The following DTD1 variants were observed in gnomAD, a reference collection of about 807,000 sequenced individuals.
The protein encoded by DTD1 is D-tyrosyl-tRNA deacylase 1 homolog.
DTD1 carries 13 observed loss-of-function variants against 25.6 expected under a neutral mutation model. That is an observed-to-expected ratio of 0.51 (90% confidence interval 0.33 to 0.81). DTD1 has a LOEUF of 0.81. Among genes scored for constraint, DTD1 ranks in the 30% least tolerant of loss-of-function variants. The pLI is 0.02. For synonymous variants in DTD1, 110 were observed against 103.6 expected (o/e 1.06, Z -0.37); for missense variants, 193 against 266.4 (o/e 0.72, Z 1.92).
At chr20:18,741,910 T>G (rs1162459671) in intron 4 of DTD1, among the ~76,000 whole-genome samples, 2 of 149,932 alleles carry the variant, frequency 1.3e-5, no homozygotes, top group East Asian at 2.0e-4. Flanking sequence ...TTTTTTTTTT[T>G]TTTTTTTTTG....
intron 4 of DTD1, among the ~76,000 whole-genome samples, chr20:18,641,415 A>G (rs552141569): frequency 6.6e-6 from 1 of 152,310 alleles, no homozygotes; most frequent in South Asian, 2.1e-4. Context: ...AGGAACCACT[A>G]TACTGTTTTC....
chr20:18,593,142 C>T (rs966241806), intron 1 of DTD1, among the ~76,000 whole-genome samples: 1 of 151,604 alleles, frequency 6.6e-6, no homozygotes, highest in Non-Finnish European at 1.5e-5. Context: ...AGATCATTGG[C>T]TTAGAATGTA....
chr20:18,642,840 T>G (rs543013707), intron 4 of DTD1: 1 of 160,406 alleles, frequency 6.2e-6, no homozygotes, highest in East Asian at 1.8e-4. Flanking sequence ...TCTCTGAAGA[T>G]GAAATCTAGA....
At chr20:18,614,387 AG>A (rs1235814340) in intron 3 of DTD1, among the ~76,000 whole-genome samples, 1 of 152,200 alleles carries the variant, frequency 6.6e-6, no homozygotes, top group Non-Finnish European at 1.5e-5. Flanking sequence ...GAGACAAGGT[AG>A]GGCTAGGATG....
intron 4 of DTD1, among the ~76,000 whole-genome samples, chr20:18,685,879 G>A (rs139026763): frequency 2.3e-4 from 35 of 152,328 alleles, no homozygotes; most frequent in Admixed American, 2.1e-3. Flanking sequence ...CTCCCCTGCA[G>A]TGTACACCAA....
chr20:18,718,404 C>G (rs1275583406), intron 4 of DTD1, among the ~76,000 whole-genome samples: 4 of 151,976 alleles, frequency 2.6e-5, no homozygotes, highest in Non-Finnish European at 5.9e-5. Context: ...TTGGTGGGGC[C>G]GTGTGGGATG....
intron 4 of DTD1, among the ~76,000 whole-genome samples, chr20:18,640,900 G>C (rs2060825600): frequency 6.6e-6 from 1 of 151,990 alleles, no homozygotes. Flanking sequence ...CAAAGTGCTG[G>C]GATTACAGGT....
At chr20:18,708,158 TGTG>T (rs1438393596) in intron 4 of DTD1, among the ~76,000 whole-genome samples, 2 of 13,562 alleles carry the variant, frequency 1.5e-4, no homozygotes, top group Admixed American at 1.4e-3. Context: ...ATTATTAACA[TGTG>T]TGTGTGTGTG....
rs58081760 is a variant in DTD1, at chr20:18,753,607, C to CAA, written c.*19+9350_*19+9351dup. 9.2e-5 allele frequency among the ~76,000 whole-genome samples: 6 copies of CAA among 65,360 alleles called. 1 individual carries two copies. Among genetic ancestry groups the CAA allele is most frequent in the East Asian group, 8.3e-4 (2 of 2,420 alleles). 42.9% of individuals were successfully genotyped at this position (65,360 alleles called of 152,430 possible). On this transcript the variant is annotated intron_variant, in intron 5 of 5. Transcript: ENST00000377452. ...TGGGCAATGAAGCGAAACTCTGTCT[C>CAA]AAAAAAAAAAAAAAAGACGTTGATA...
At position 18,708,371 on chromosome 20, in the gene DTD1, T is replaced by C. The variant is rs1277518686; in HGVS notation, c.478-35729T>C. ...TTATATATCTATATATATATTTTTT[T>C]TTGATACAAAGTCTCACTCTGTCGC... On this transcript the variant is annotated intron_variant, in intron 4 of 5. Transcript: ENST00000377452. 1.6e-4 allele frequency among the ~76,000 whole-genome samples: 19 copies of C among 119,348 alleles called. No homozygotes were observed. The East Asian group carries it at 3.8e-3, about 24-fold the overall frequency. 78.3% of individuals were successfully genotyped at this position (119,348 alleles called of 152,430 possible).
intron 4 of DTD1, among the ~76,000 whole-genome samples, chr20:18,700,562 G>A (rs1045507892): frequency 6.9e-6 from 1 of 145,104 alleles, no homozygotes; most frequent in African/African-American, 2.6e-5. Flanking sequence ...GATTTTTTTT[G>A]TTATGTGGAT....
chr20:18,717,869 G>C (rs73118740), intron 4 of DTD1, among the ~76,000 whole-genome samples: 5,802 of 152,296 alleles, frequency 0.038, 143 homozygotes, highest in Non-Finnish European at 0.06. Flanking sequence ...GAGGGTGCCA[G>C]TGGATGTGGA....
intron 4 of DTD1, among the ~76,000 whole-genome samples, chr20:18,662,993 G>A (rs2060917293): frequency 6.6e-6 from 1 of 152,178 alleles, no homozygotes; most frequent in Admixed American, 6.5e-5. Context: ...GGCTGGGGTT[G>A]TGACTGGGGC....
intron 5 of DTD1, among the ~76,000 whole-genome samples, chr20:18,758,648 A>G (rs546930058): frequency 3.0e-4 from 46 of 152,132 alleles, no homozygotes; most frequent in African/African-American, 1.0e-3. Context: ...AGTTTGTTGT[A>G]ATTTGTTCTT....
chr20:18,662,854 AC>A (rs1956018044), intron 4 of DTD1, among the ~76,000 whole-genome samples: 1 of 152,118 alleles, frequency 6.6e-6, no homozygotes, highest in African/African-American at 2.4e-5. Context: ...GCTTCAGATA[AC>A]TCAGTTGTGG....
chr20:18,588,179 G>A (rs1335953630), intron 1 of DTD1, 64 bp downstream of exon 1: 4 of 1,209,888 alleles, frequency 3.3e-6, no homozygotes, highest in Non-Finnish European at 4.1e-6. Context: ...GCTGTCTTGC[G>A]TGGGGGGTCT....
At chr20:18,733,676 T>A (rs948898022) in intron 4 of DTD1, among the ~76,000 whole-genome samples, 6 of 152,236 alleles carry the variant, frequency 3.9e-5, no homozygotes, top group African/African-American at 1.4e-4. Flanking sequence ...CTTCTTATTT[T>A]TGCATACTTA....
chr20:18,737,763 G>T (rs900498045), intron 4 of DTD1, among the ~76,000 whole-genome samples: 1 of 152,220 alleles, frequency 6.6e-6, no homozygotes, highest in South Asian at 2.1e-4. Flanking sequence ...TTGATCCTCT[G>T]GCTTCTTCAG....
intron 4 of DTD1, among the ~76,000 whole-genome samples, chr20:18,700,175 A>G (rs6132103): frequency 0.36 from 55,228 of 152,096 alleles, 10,346 homozygotes; most frequent in Non-Finnish European, 0.41. Context: ...GTCAGGGCAC[A>G]TGGTATTGAT....
Sources: gnomAD v4.1 joint callset for allele counts (sites outside exome capture counted in the v4.1 genomes callset) on GRCh38, gnomAD v4.1.1 for gene constraint, MANE v1.5 for transcripts, NCBI Gene and HGNC (gene_info 2026-07-23, HGNC 2026-07-21) for gene names.